The following THSD7B variants were observed in gnomAD, a reference collection of about 807,000 sequenced individuals.
THSD7B encodes the protein thrombospondin type-1 domain-containing protein 7B.
A neutral mutation model predicts 213.6 loss-of-function variants in THSD7B; 138 were observed. That is an observed-to-expected ratio of 0.65 (90% CI 0.56 to 0.74). The LOEUF is 0.74. Among genes scored for constraint, THSD7B ranks in the 30% least tolerant of loss-of-function variants. The probability of loss-of-function intolerance (pLI) is 0.00; values close to 1 mark genes in which losing one functional copy is unlikely to be tolerated. For synonymous variants in THSD7B, 742 were observed against 687.0 expected (o/e 1.08, Z -1.25); for missense variants, 1,931 against 1,991.5 (o/e 0.97, Z 0.58).
intron 12 of THSD7B, among the ~76,000 whole-genome samples, chr2:137,363,153 A>G (rs538297190): frequency 3.9e-5 from 6 of 152,226 alleles, no homozygotes; most frequent in African/African-American, 7.2e-5. Context: ...AAATAACGAA[A>G]TGAAGGCAGA....
intron 2 of THSD7B, among the ~76,000 whole-genome samples, chr2:136,970,156 A>G (rs1685381366): frequency 6.6e-6 from 1 of 152,148 alleles, no homozygotes; most frequent in Non-Finnish European, 1.5e-5. Context: ...TATTGAATAC[A>G]ATTTTGGAAG....
chr2:136,897,455 C>CT (rs1683980067), intron 2 of THSD7B, among the ~76,000 whole-genome samples: 1 of 151,886 alleles, frequency 6.6e-6, no homozygotes, highest in Non-Finnish European at 1.5e-5. Context: ...TTGTTCCTTC[C>CT]AGTGGGTTCA....
chr2:136,805,782 G>A (rs1462907587), intron 1 of THSD7B, among the ~76,000 whole-genome samples: 1 of 152,138 alleles, frequency 6.6e-6, no homozygotes, highest in Non-Finnish European at 1.5e-5. Context: ...AGCTCCTCTT[G>A]TCTTTCCTCA....
At chr2:137,160,150 G>C (rs1679987595) in intron 5 of THSD7B, 63 bp from the exon 6 acceptor site, 1 of 1,511,688 alleles carries the variant, frequency 6.6e-7, no homozygotes, top group Non-Finnish European at 8.9e-7. Flanking sequence ...GCAAATAAAG[G>C]CAGAAGCAAT....
chr2:137,063,474 A>C (rs1687317409), intron 3 of THSD7B, among the ~76,000 whole-genome samples: 1 of 152,114 alleles, frequency 6.6e-6, no homozygotes, highest in African/African-American at 2.4e-5. Context: ...CATTGTAATC[A>C]TATCAGGGTA....
intron 9 of THSD7B, among the ~76,000 whole-genome samples, chr2:137,235,515 G>A (rs1380248839): frequency 3.9e-5 from 6 of 152,068 alleles, no homozygotes; most frequent in African/African-American, 1.4e-4. Flanking sequence ...AGGGCTATTC[G>A]GACAGAAAAA....
intron 6 of THSD7B, among the ~76,000 whole-genome samples, chr2:137,166,185 C>T (rs1680124643): frequency 6.6e-6 from 1 of 152,036 alleles, no homozygotes; most frequent in Non-Finnish European, 1.5e-5. Context: ...ACAAGGGAAC[C>T]ATGATCGGCA....
rs78427521 is a variant in THSD7B at position 137,620,127 on chromosome 2, C to T, written c.3682-482C>T. Among the ~76,000 whole-genome samples, 624 of 152,294 alleles carry T rather than the reference C, an allele frequency of 4.1e-3. 5 individuals are homozygous for T. The highest frequency in any genetic ancestry group is 0.014 in the African/African-American group (589 of 41,558). On this transcript the variant is annotated intron_variant, in intron 19 of 27. Coordinates refer to ENST00000409968, the MANE Select transcript of THSD7B (RefSeq NM_001316349.2). ...GTATCATCAACTTGACCCATCGTTA[C>T]GACCATGATTGTTTTTAGCCCAGGC...
intron 13 of THSD7B, among the ~76,000 whole-genome samples, chr2:137,408,998 G>A (rs1686589753): frequency 6.6e-6 from 1 of 152,314 alleles, no homozygotes; most frequent in Non-Finnish European, 1.5e-5. Context: ...GGCTCACTAT[G>A]ACTGTATCGT....
At chr2:136,934,635 C>T (rs1684689786) in intron 2 of THSD7B, among the ~76,000 whole-genome samples, 1 of 151,990 alleles carries the variant, frequency 6.6e-6, no homozygotes, top group South Asian at 2.1e-4. Flanking sequence ...ATCATATATG[C>T]ACTAGGGAAA....
At chr2:137,056,354 C>G in intron 2 of THSD7B, 66 bp from the exon 3 acceptor site, 1 of 1,495,462 alleles carries the variant, frequency 6.7e-7, no homozygotes, top group Non-Finnish European at 9.0e-7. Flanking sequence ...TAATTGACTT[C>G]TACTTACCTG....
chr2:137,603,392 A>AT (rs1682111899), intron 17 of THSD7B, among the ~76,000 whole-genome samples: 1 of 152,182 alleles, frequency 6.6e-6, no homozygotes, highest in African/African-American at 2.4e-5. Context: ...TGTAATTAAA[A>AT]TGTGCTAAAA....
intron 12 of THSD7B, among the ~76,000 whole-genome samples, chr2:137,358,016 A>G (rs930076000): frequency 6.6e-6 from 1 of 152,174 alleles, no homozygotes; most frequent in African/African-American, 2.4e-5. Flanking sequence ...TACCTTGCCT[A>G]ACACTTTCCC....
intron 1 of THSD7B, among the ~76,000 whole-genome samples, chr2:136,794,256 A>G (rs1367515463): frequency 6.6e-6 from 1 of 151,530 alleles, no homozygotes; most frequent in African/African-American, 2.4e-5. Context: ...GTTTTCTTAA[A>G]TTTCAAATTT....
At chr2:137,240,941 A>C (rs1681885811) in intron 9 of THSD7B, among the ~76,000 whole-genome samples, 1 of 152,042 alleles carries the variant, frequency 6.6e-6, no homozygotes, top group African/African-American at 2.4e-5. Flanking sequence ...TTATTTCCTC[A>C]TCAATTTTCT....
intron 21 of THSD7B, among the ~76,000 whole-genome samples, chr2:137,646,246 C>T (rs547906036): frequency 2.6e-5 from 4 of 152,190 alleles, no homozygotes; most frequent in African/African-American, 7.2e-5. Context: ...CCCTCATGAA[C>T]GGTATTAATG....
intron 15 of THSD7B, among the ~76,000 whole-genome samples, chr2:137,522,335 ATGAG>A (rs1333516756): frequency 2.6e-5 from 4 of 152,202 alleles, no homozygotes; most frequent in East Asian, 1.9e-4. Context: ...CTTTTGTAAC[ATGAG>A]TGAGTCACTT....
At chr2:137,344,577 C>T (rs1684833800) in intron 12 of THSD7B, among the ~76,000 whole-genome samples, 1 of 151,640 alleles carries the variant, frequency 6.6e-6, no homozygotes, top group African/African-American at 2.4e-5. Context: ...TTTCTCCCAT[C>T]CACGGGAGGA....
intron 12 of THSD7B, among the ~76,000 whole-genome samples, chr2:137,396,228 CT>C (rs1436408192): frequency 7.1e-6 from 1 of 140,278 alleles, no homozygotes; most frequent in Non-Finnish European, 1.6e-5. Flanking sequence ...TTTGCTCTTG[CT>C]TTTCTAGTTC....
Sources: allele counts gnomAD v4.1 joint callset (sites outside exome capture counted in the v4.1 genomes callset), GRCh38; gene constraint gnomAD v4.1.1; transcripts MANE v1.5; gene names NCBI Gene and HGNC (gene_info 2026-07-23, HGNC 2026-07-21).